Variants in RSBN1L observed in about 807,000 individuals in gnomAD.
RSBN1L encodes the protein lysine-specific demethylase RSBN1L.
A neutral mutation model predicts 67.7 loss-of-function variants in RSBN1L; 30 were observed. The observed-to-expected ratio is 0.44, with a 90% confidence interval of 0.33 to 0.60. The LOEUF (loss-of-function observed/expected upper bound fraction) is 0.60. RSBN1L is among the 20% of genes least tolerant of loss of function. The pLI is 0.02. For missense variants in RSBN1L, 992 were observed against 1,031.7 expected, an observed-to-expected ratio of 0.96 and a Z score of 0.53; for synonymous variants, 433 against 387.0, an observed-to-expected ratio of 1.12 and a Z score of -1.39.
intron 1 of RSBN1L, chr7:77,697,299 A>G (rs1217618258): frequency 1.1e-5 from 4 of 372,624 alleles, no homozygotes; most frequent in Admixed American, 4.7e-5. Flanking sequence ...TCTTCCTCCC[A>G]GTTAGTGCGC....
At chr7:77,742,216 C>CAT (rs1584291395) in intron 2 of RSBN1L, among the ~76,000 whole-genome samples, 1 of 147,684 alleles carries the variant, frequency 6.8e-6, no homozygotes, top group East Asian at 2.0e-4. Flanking sequence ...CACACACACA[C>CAT]ACGGCAAGAA....
intron 4 of RSBN1L, 83 bp from the exon 5 acceptor site, chr7:77,768,578 T>C: frequency 8.4e-7 from 1 of 1,191,196 alleles, no homozygotes; most frequent in South Asian, 1.3e-5. Flanking sequence ...AGTGTGTTTG[T>C]CAGGGGAACA....
rs1301200542 is a variant in RSBN1L, at chr7:77,722,749, G to C, written c.587-13661G>C. ...TATTTCTAGCCATACATTATTCCTG[G>C]AAGGAATAATGTAAGAGAGGGAAGG... On this transcript the variant is annotated intron_variant, in intron 1 of 7. Transcript: ENST00000334955. Among the ~76,000 whole-genome samples the C allele has an allele frequency of 4.0e-5, 6 of 151,750 alleles. 1 individual carries two copies. Among genetic ancestry groups the C allele is most frequent in the East Asian group, 3.9e-4 (2 of 5,144 alleles).
chr7:77,732,189 T>A (rs2150419641), intron 1 of RSBN1L, among the ~76,000 whole-genome samples: 1 of 152,310 alleles, frequency 6.6e-6, no homozygotes, highest in East Asian at 1.9e-4. Context: ...GATAAAACCA[T>A]ACAAATTCTT....
intron 1 of RSBN1L, among the ~76,000 whole-genome samples, chr7:77,716,830 C>G (rs1391793528): frequency 1.3e-5 from 2 of 151,882 alleles, no homozygotes; most frequent in Non-Finnish European, 2.9e-5. Context: ...CGGGGTTTCA[C>G]CATGTTGACC....
chr7:77,742,182 TACACACACAC>T (rs1169498942), intron 2 of RSBN1L, among the ~76,000 whole-genome samples: 80 of 80,294 alleles, frequency 1.0e-3, no homozygotes, highest in African/African-American at 2.3e-3. Flanking sequence ...AAAAAAAAAA[TACACACACAC>T]ACACACACAC....
intron 1 of RSBN1L, among the ~76,000 whole-genome samples, chr7:77,719,158 A>G (rs1233659867): frequency 6.6e-6 from 1 of 152,218 alleles, no homozygotes; most frequent in Non-Finnish European, 1.5e-5. Flanking sequence ...ATTAGGGCAC[A>G]TAATGTATGT....
Position 77,736,404 on chromosome 7 carries a change from T to C in RSBN1L, c.587-6T>C. 1 of 1,014,550 alleles carries C rather than the reference T, an allele frequency of 9.9e-7. No individual in the cohort carries two copies. Among genetic ancestry groups the C allele is most frequent in the Non-Finnish European group, 1.3e-6 (1 of 747,630 alleles). 62.8% of individuals were successfully genotyped at this position (1,014,550 alleles called of 1,614,324 possible). On this transcript the variant is annotated splice_polypyrimidine_tract_variant and splice_region_variant and intron_variant, in intron 1 of 7. Coordinates refer to ENST00000334955, the MANE Select transcript of RSBN1L (RefSeq NM_198467.3). Reference sequence around the variant, plus strand: ...TTTTAAATATTTCCTTTGTTTTGTCTTCCAGATAAAATCAAAGACAAAATT... The same window carrying C: ...TTTTAAATATTTCCTTTGTTTTGTCCTCCAGATAAAATCAAAGACAAAATT...
At position 77,780,225 on chromosome 7, in the gene RSBN1L, G is replaced by A. The variant is rs1263853515; in HGVS notation, c.*1057G>A. ...TATATGTATATATATATCATATTTT[G>A]CATAATTTTCTTAAATTGCTGAATA... On this transcript the variant is annotated 3_prime_UTR_variant, in exon 8 of 8. Coordinates refer to ENST00000334955, the MANE Select transcript of RSBN1L (RefSeq NM_198467.3). 1 of 151,940 alleles carries A rather than the reference G, an allele frequency of 6.6e-6. No individual in the cohort carries two copies. Among genetic ancestry groups the A allele is most frequent in the Non-Finnish European group, 1.5e-5 (1 of 67,984 alleles). 9.4% of individuals were successfully genotyped at this position (151,940 alleles called of 1,614,324 possible). A position where few individuals can be genotyped will look rare whatever the true frequency, so the allele number is the denominator to read the frequency against.
chr7:77,742,198 CA>C (rs1791422535), intron 2 of RSBN1L, among the ~76,000 whole-genome samples: 1 of 145,938 alleles, frequency 6.9e-6, no homozygotes, highest in African/African-American at 2.6e-5. Flanking sequence ...CACACACACA[CA>C]CACACACACA....
chr7:77,722,050 A>G (rs1041450596), intron 1 of RSBN1L, among the ~76,000 whole-genome samples: 3 of 152,216 alleles, frequency 2.0e-5, no homozygotes, highest in Admixed American at 2.0e-4. Flanking sequence ...TGTTAGGGGA[A>G]AATTGAAGAA....
intron 1 of RSBN1L, among the ~76,000 whole-genome samples, chr7:77,701,905 G>A (rs1178279682): frequency 6.6e-6 from 1 of 152,018 alleles, no homozygotes; most frequent in Admixed American, 6.5e-5. Flanking sequence ...TGTCTGCCTT[G>A]GCCTCCCAAA....
chr7:77,709,903 A>G (rs1367052923), intron 1 of RSBN1L, among the ~76,000 whole-genome samples: 1 of 152,212 alleles, frequency 6.6e-6, no homozygotes, highest in Non-Finnish European at 1.5e-5. Flanking sequence ...CTGTAAAATT[A>G]ACGTGTTCAA....
intron 3 of RSBN1L, among the ~76,000 whole-genome samples, chr7:77,762,698 T>C (rs1791710926): frequency 6.6e-6 from 1 of 152,184 alleles, no homozygotes; most frequent in Admixed American, 6.5e-5. Flanking sequence ...TGTTACTCAA[T>C]GATACATGTT....
At chr7:77,773,661 C>A (rs933191019) in intron 6 of RSBN1L, among the ~76,000 whole-genome samples, 3 of 152,018 alleles carry the variant, frequency 2.0e-5, no homozygotes, top group African/African-American at 7.2e-5. Context: ...TATTCAGGAG[C>A]CTGAGGCAGG....
intron 1 of RSBN1L, among the ~76,000 whole-genome samples, chr7:77,733,906 C>T (rs2150420103): frequency 6.6e-6 from 1 of 152,324 alleles, no homozygotes; most frequent in East Asian, 1.9e-4. Flanking sequence ...GCGTGCAGAT[C>T]ACTTGAGGTT....
intron 3 of RSBN1L, 113 bp downstream of exon 3, chr7:77,750,177 C>G (rs141298676): frequency 9.0e-6 from 5 of 554,878 alleles, no homozygotes; most frequent in Non-Finnish European, 8.5e-6. Flanking sequence ...TATAATGAAA[C>G]CATTTGGGAG....
intron 1 of RSBN1L, among the ~76,000 whole-genome samples, chr7:77,698,402 G>A (rs1004233025): frequency 3.3e-5 from 5 of 152,182 alleles, no homozygotes; most frequent in Non-Finnish European, 5.9e-5. Context: ...GGAGATAAGT[G>A]CCTGGAAGTT....
Position 77,779,097 on chromosome 7 carries a change from C to T in RSBN1L, c.2470C>T (p.Leu824=). The T allele has an allele frequency of 6.2e-7, 1 of 1,612,996 alleles. No homozygotes were observed. The highest frequency in any genetic ancestry group is 2.2e-5 in the East Asian group (1 of 44,824). The change falls in exon 8 of 8, where the codon CTA becomes TTA. Residue 824 remains leucine, a synonymous_variant. Transcript: ENST00000334955. The part of the protein sequence containing the change: ...KEELCPGNLS[L]VDTRQHSSAH... ...AGAATTGTGCCCTGGAAATCTAAGTCTAGTTGATACAAGGCAACACAGTTC... is the reference window on the plus strand; with the variant it reads ...AGAATTGTGCCCTGGAAATCTAAGTTTAGTTGATACAAGGCAACACAGTTC...
Sources: allele counts gnomAD v4.1 joint callset (sites outside exome capture counted in the v4.1 genomes callset), GRCh38; gene constraint gnomAD v4.1.1; transcripts MANE v1.5; gene names NCBI Gene and HGNC (gene_info 2026-07-23, HGNC 2026-07-21).